CILP2: variants seen among roughly 807,000 people sequenced by gnomAD.
The protein encoded by CILP2 is cartilage intermediate layer protein 2.
Under a neutral mutation model 45.6 loss-of-function variants are expected in CILP2, and 38 were observed. That is an observed-to-expected ratio of 0.83 (90% CI 0.64 to 1.09). CILP2 has a LOEUF of 1.09. CILP2 is among the 50% of genes least tolerant of loss of function. CILP2 has a pLI of 0.00. For missense variants in CILP2, 1,735 were observed against 1,662.2 expected, an observed-to-expected ratio of 1.04 and a Z score of -0.76; for synonymous variants, 780 against 723.5, an observed-to-expected ratio of 1.08 and a Z score of -1.25.
At position 19,545,158 on chromosome 19, in the gene CILP2, C is replaced by T. The variant is rs571106871; in HGVS notation, c.2613C>T (p.Pro871=). Residue 871 remains proline (P), a synonymous_variant, in exon 8 of 8, where the codon CCC becomes CCT. Transcript: ENST00000291495. The part of the protein sequence containing the change: ...INLAKPRPGD[P]AEANGPVYPW... Reference sequence around the variant, plus strand: ...TCGCCAAGCCCAGGCCAGGTGACCCCGCCGAGGCCAATGGGCCTGTGTACC... The same window carrying T: ...TCGCCAAGCCCAGGCCAGGTGACCCTGCCGAGGCCAATGGGCCTGTGTACC... 6 of 1,612,702 alleles carry T rather than the reference C, an allele frequency of 3.7e-6. No homozygotes were observed. The African/African-American group carries it at 6.7e-5, about 18-fold the overall frequency.
rs577479881 is a variant in CILP2 at position 19,546,132 on chromosome 19, G to A, written c.*116G>A. ...CCCAGGTGTCTGGGTCCCCTTTCCC[G>A]CCCCTTTCCAGAACTCAGAGTCAGA... is the stretch of plus-strand genomic sequence containing the variant. On this transcript the variant is annotated 3_prime_UTR_variant, in exon 8 of 8. Transcript: ENST00000291495. 1.1e-4 allele frequency: 88 copies of A among 819,944 alleles called. No individual in the cohort carries two copies. The East Asian group carries it at 1.8e-3, about 17-fold the overall frequency. 50.8% of individuals were successfully genotyped at this position (819,944 alleles called of 1,614,324 possible).
Position 19,545,499 on chromosome 19 carries a change from G to C in CILP2, c.2954G>C (p.Gly985Ala). 1 of 1,612,462 alleles carries C rather than the reference G, an allele frequency of 6.2e-7. No homozygotes were observed. Residue 985 changes from glycine (G) to alanine (A), a missense_variant, in exon 8 of 8, where the codon GGC (glycine) becomes GCC (alanine). By Grantham distance (60) the Gly-to-Ala change is moderately conservative. Coordinates refer to ENST00000291495, the MANE Select transcript of CILP2 (RefSeq NM_153221.2). ...AGTGTGCGAGACCCCGAGCGTCCGG[G>C]CACCTCGGCAGCCTGCGTGGAGTTC... ...ARSVRDPERP[G>A]TSAACVEFKC...
In CILP2 at chr19:19,542,288, T is replaced by G. The variant is rs1490025872; in HGVS notation, c.593-87T>G. 3 of 1,482,060 alleles carry G rather than the reference T, an allele frequency of 2.0e-6. No individual in the cohort carries two copies. The East Asian group carries it at 6.9e-5, about 34-fold the overall frequency. 91.8% of individuals were successfully genotyped at this position (1,482,060 alleles called of 1,614,324 possible). On this transcript the variant is annotated intron_variant, in intron 4 of 7. Transcript: ENST00000291495. ...CCTTATGGGGGGGCCCCAGGCATAT[T>G]TGTTGAGTGACTGATTGAATGGAAA...
Position 19,545,146 on chromosome 19 carries a change from G to C in CILP2, c.2601G>C (p.Arg867Ser), listed in dbSNP as rs780200608. ...NGFRINLAKP[R>S]PGDPAEANGP... ...TCCGCATCAACCTCGCCAAGCCCAG[G>C]CCAGGTGACCCCGCCGAGGCCAATG... Residue 867 changes from arginine to serine, a missense_variant, in exon 8 of 8, where the codon AGG (arginine) becomes AGC (serine). Transcript: ENST00000291495. The C allele has an allele frequency of 1.2e-6, 2 of 1,612,360 alleles. No homozygotes were observed. The highest frequency in any genetic ancestry group is 1.7e-6 in the Non-Finnish European group (2 of 1,179,830).
In CILP2 at chr19:19,546,175, C is replaced by A; in HGVS notation, c.*159C>A. The A allele has an allele frequency of 1.9e-6, 1 of 527,988 alleles. No individual in the cohort carries two copies. Among genetic ancestry groups the A allele is most frequent in the South Asian group, 5.0e-5 (1 of 20,038 alleles). 32.7% of individuals were successfully genotyped at this position (527,988 alleles called of 1,614,324 possible). A position where few individuals can be genotyped will look rare whatever the true frequency, so the allele number is the denominator to read the frequency against. On this transcript the variant is annotated 3_prime_UTR_variant, in exon 8 of 8. Coordinates refer to ENST00000291495, the MANE Select transcript of CILP2 (RefSeq NM_153221.2). ...GAGTCAGACAAGAACCCAGAGCATC[C>A]GATGGTAGAAACACCAGGAAGACAA...
Position 19,545,659 on chromosome 19 carries a change from G to T in CILP2, c.3114G>T (p.Val1038=). The T allele has an allele frequency of 6.2e-7, 1 of 1,609,854 alleles. No homozygotes were observed. Among genetic ancestry groups the T allele is most frequent in the Non-Finnish European group, 8.5e-7 (1 of 1,178,162 alleles). The change falls in exon 8 of 8, where the codon GTG becomes GTT. Residue 1038 remains valine, a synonymous_variant. Transcript: ENST00000291495. ...ACCTGACCCGGCACCCCCCACCGGT[G>T]CCCGCGGAGGACCCAGCTGCCTTCT... is the stretch of plus-strand genomic sequence containing the variant. ...RDYLTRHPPP[V]PAEDPAAFSM...
In CILP2 at chr19:19,538,355, G is replaced by T; in HGVS notation, c.6G>T (p.Ala2=). The T allele has an allele frequency of 6.3e-7, 1 of 1,580,412 alleles. No homozygotes were observed. The highest frequency in any genetic ancestry group is 8.5e-7 in the Non-Finnish European group (1 of 1,171,604). The change falls in exon 1 of 8, where the codon GCG becomes GCT. Residue 2 remains alanine, a synonymous_variant. Transcript: ENST00000291495. The part of the protein sequence containing the change: M[A]SLLPLLCLCV... ...TCGGACGCTCTGCCCCGGCCATGGCGTCGCTGCTGCCACTGCTCTGTCTCT... is the reference window on the plus strand; with the variant it reads ...TCGGACGCTCTGCCCCGGCCATGGCTTCGCTGCTGCCACTGCTCTGTCTCT...
At chr19:19,539,889 C>A in intron 2 of CILP2, 112 bp downstream of exon 2, 2 of 857,760 alleles carry the variant, frequency 2.3e-6, no homozygotes, top group Non-Finnish European at 3.4e-6. Context: ...GGGCCCGGCG[C>A]CGTCCTGGTC....
chr19:19,539,546 A>C, intron 1 of CILP2, 133 bp from the exon 2 acceptor site: 1 of 533,056 alleles, frequency 1.9e-6, no homozygotes, highest in Non-Finnish European at 3.1e-6. Flanking sequence ...CCTGGGTGAC[A>C]GAGGGAGATT....
intron 2 of CILP2, 87 bp from the exon 3 acceptor site, chr19:19,540,117 G>A (rs2061238011): frequency 1.4e-6 from 2 of 1,407,588 alleles, no homozygotes; most frequent in Non-Finnish European, 9.2e-7. Context: ...CCGGGGGAGG[G>A]GGCTGAGACA....
Position 19,545,404 on chromosome 19 carries a change from C to T in CILP2, c.2859C>T (p.Val953=), listed in dbSNP as rs1450138384. 4 of 1,612,572 alleles carry T rather than the reference C, an allele frequency of 2.5e-6. No homozygotes were observed. The East Asian group carries it at 8.9e-5, about 36-fold the overall frequency. Residue 953 remains valine (V), a synonymous_variant, in exon 8 of 8, where the codon GTC becomes GTT. Transcript: ENST00000291495. Reference sequence around the variant, plus strand: ...TCCAGGGTCCCCAGGAGTATATGGTCCGCTCCCACAACGCAGGGGGCAGCC... The same window carrying T: ...TCCAGGGTCCCCAGGAGTATATGGTTCGCTCCCACAACGCAGGGGGCAGCC... ...VKIQGPQEYM[V]RSHNAGGSHP... is the part of the protein sequence containing the mutation.
At chr19:19,542,690 A>G in intron 5 of CILP2, 40 bp downstream of exon 5, 1 of 1,604,288 alleles carries the variant, frequency 6.2e-7, no homozygotes, top group Non-Finnish European at 8.5e-7. Context: ...GGGGCTGAGG[A>G]TCTGGGGAGG....
chr19:19,540,212 G>T lies in CILP2; in HGVS notation c.172G>T (p.Glu58Ter). ...PALEDWEEAS[E>*]WTSWFNVDHP... ...GCGTGCGGTGCCCGCAGAGGCCAGC[G>T]AGTGGACGTCCTGGTTCAACGTGGA... Residue 58 changes from glutamate (E) to a stop codon, truncating the protein, a stop_gained, in exon 3 of 8, where the codon GAG (glutamate) becomes TAG (stop). Transcript: ENST00000291495. LOFTEE classifies it high-confidence loss of function. 2 of 1,590,898 alleles carry T rather than the reference G, an allele frequency of 1.3e-6. No individual in the cohort carries two copies. Among genetic ancestry groups the T allele is most frequent in the South Asian group, 1.1e-5 (1 of 89,462 alleles).
rs1042209173 is a variant in CILP2, at chr19:19,543,425, G to A, written c.1135+20G>A. On this transcript the variant is annotated intron_variant, in intron 7 of 7. Transcript: ENST00000291495. Reference sequence around the variant, plus strand: ...TACTTGGTGAGTGTCCTTGGCCACAGCCCCGAGCAAGCCTTCACCCAAACG... The same window carrying A: ...TACTTGGTGAGTGTCCTTGGCCACAACCCCGAGCAAGCCTTCACCCAAACG... 1.2e-6 allele frequency: 2 copies of A among 1,611,852 alleles called. No homozygotes were observed. The highest frequency in any genetic ancestry group is 1.7e-6 in the Non-Finnish European group (2 of 1,179,038).
rs370547583 is a variant in CILP2, at chr19:19,545,606, G to C, written c.3061G>C (p.Val1021Leu). The change falls in exon 8 of 8, where the codon GTG becomes CTG. Residue 1021 changes from valine to leucine, a missense_variant. By Grantham distance (32) the Val-to-Leu change is conservative (BLOSUM62 1). Coordinates refer to ENST00000291495, the MANE Select transcript of CILP2 (RefSeq NM_153221.2). Reference sequence around the variant, plus strand: ...TATGCCCCAGGGCAGCTGCCGGCGCGTGGCCGTCAACGGACTCCTTCGGGA... The same window carrying C: ...TATGCCCCAGGGCAGCTGCCGGCGCCTGGCCGTCAACGGACTCCTTCGGGA... The part of the protein sequence containing the change: ...TIMPQGSCRR[V>L]AVNGLLRDYL... The C allele has an allele frequency of 1.2e-6, 2 of 1,608,758 alleles. No individual in the cohort carries two copies. The highest frequency in any genetic ancestry group is 1.7e-6 in the Non-Finnish European group (2 of 1,177,420).
At position 19,544,282 on chromosome 19, in the gene CILP2, G is replaced by C; in HGVS notation, c.1737G>C (p.Ala579=). ...CCCTGGGCGAGCTGGAAGATGAGGC[G>C]CCCCTGGGCGAGCTGGTCCTGCCTT... ...TIPLGELEDE[A]PLGELVLPSG... is the part of the protein sequence containing the mutation. Residue 579 remains alanine, a synonymous_variant, in exon 8 of 8, where the codon GCG becomes GCC. Transcript: ENST00000291495. 6.2e-7 allele frequency: 1 copy of C among 1,613,296 alleles called. No homozygotes were observed.
chr19:19,543,017 G>T, intron 6 of CILP2, 45 bp downstream of exon 6: 1 of 1,298,006 alleles, frequency 7.7e-7, no homozygotes, highest in Non-Finnish European at 1.1e-6. Context: ...GTGGCTTTGG[G>T]GTTAGATTCA....
At chr19:19,543,623 C>T (rs758728651) in intron 7 of CILP2, 58 bp from the exon 8 acceptor site, 14 of 1,510,390 alleles carry the variant, frequency 9.3e-6, no homozygotes, top group African/African-American at 1.4e-5. Context: ...AGTCCCCAGC[C>T]TTGGCCTCCA....
Position 19,546,122 on chromosome 19 carries a change from C to T in CILP2, c.*106C>T, listed in dbSNP as rs752300824. 1.1e-6 allele frequency: 1 copy of T among 938,288 alleles called. No individual in the cohort carries two copies. Among genetic ancestry groups the T allele is most frequent in the East Asian group, 2.9e-5 (1 of 34,632 alleles). The allele number at this position is 938,288 out of a possible 1,614,324, so 58.1% of individuals were successfully genotyped here. ...CAGCCCCCTCCCCAGGTGTCTGGGT[C>T]CCCTTTCCCGCCCCTTTCCAGAACT... On this transcript the variant is annotated 3_prime_UTR_variant, in exon 8 of 8. Transcript: ENST00000291495.
Sources: allele counts gnomAD v4.1 joint callset, GRCh38; gene constraint gnomAD v4.1.1; transcripts MANE v1.5; gene names NCBI Gene and HGNC (gene_info 2026-07-23, HGNC 2026-07-21).